The following TRMT11 variants were observed in gnomAD, a reference collection of about 807,000 sequenced individuals.
The protein encoded by TRMT11 is tRNA methyltransferase 11, also known as tRNA (guanine(10)-N(2))-methyltransferase TRMT11.
Under a neutral mutation model 62.8 loss-of-function variants are expected in TRMT11, and 53 were observed. The observed-to-expected ratio is 0.84, with a 90% CI of 0.68 to 1.06. The LOEUF is 1.06. Among genes scored for constraint, TRMT11 ranks in the 50% least tolerant of loss-of-function variants. The probability of loss-of-function intolerance (pLI) is 0.00; values close to 1 mark genes in which losing one functional copy is unlikely to be tolerated. For missense variants in TRMT11, 556 were observed against 553.4 expected (o/e 1.00, Z -0.05); for synonymous variants, 188 against 190.3 (o/e 0.99, Z 0.10).
At chr6:126,064,966 T>C (rs924760657) in intron 17 of TRMT11, among the ~76,000 whole-genome samples, 8 of 152,206 alleles carry the variant, frequency 5.3e-5, no homozygotes, top group African/African-American at 1.9e-4. Flanking sequence ...GAACAGAAAC[T>C]GCTTTTACTT....
chr6:126,079,798 G>A (rs1290056579), intron 17 of TRMT11, among the ~76,000 whole-genome samples: 8 of 152,134 alleles, frequency 5.3e-5, no homozygotes, highest in Admixed American at 5.2e-4. Flanking sequence ...GCAAAGCTCC[G>A]TGGTAAGCTA....
rs147440647 is a variant in TRMT11 at position 126,130,998 on chromosome 6, G to A, written c.*1823+15143G>A. Among the ~76,000 whole-genome samples, 1,344 of 152,138 alleles carry A rather than the reference G, an allele frequency of 8.8e-3. 19 individuals are homozygous for A. Among genetic ancestry groups the A allele is most frequent in the African/African-American group, 0.031 (1,293 of 41,508 alleles). ...GAGAATTTCTATAATTACGAAGCAC[G>A]CAGTGGGAAGTGTTATTGCTTGGAG... On this transcript the variant is annotated intron_variant and NMD_transcript_variant, in intron 21 of 22. Coordinates refer to the TRMT11 transcript ENST00000648977.
At chr6:126,160,681 T>G (rs971959544) in intron 21 of TRMT11, among the ~76,000 whole-genome samples, 1 of 152,122 alleles carries the variant, frequency 6.6e-6, no homozygotes, top group Admixed American at 6.6e-5. Context: ...CTCTTGACCC[T>G]CCTGCTTACC....
At chr6:126,144,647 A>G (rs1777954872) in intron 21 of TRMT11, among the ~76,000 whole-genome samples, 1 of 152,080 alleles carries the variant, frequency 6.6e-6, no homozygotes, top group Non-Finnish European at 1.5e-5. Flanking sequence ...TTCTTATCAG[A>G]CAGATGTCTA....
the TRMT11 span, among the ~76,000 whole-genome samples, chr6:126,222,182 T>C: frequency 6.5e-3 from 997 of 152,344 alleles, 17 homozygotes; most frequent in African/African-American, 0.023. Context: ...TCTGTTTTTG[T>C]AACATTATCA....
At chr6:126,005,081 G>T (rs1793156486) in intron 7 of TRMT11, among the ~76,000 whole-genome samples, 1 of 152,020 alleles carries the variant, frequency 6.6e-6, no homozygotes, top group Non-Finnish European at 1.5e-5. Flanking sequence ...TCTCATGTGA[G>T]TTTGGCTAAA....
chr6:126,084,726 A>G (rs947252048), intron 17 of TRMT11, among the ~76,000 whole-genome samples: 2 of 152,196 alleles, frequency 1.3e-5, no homozygotes, highest in Non-Finnish European at 2.9e-5. Context: ...ACTTTTGTAT[A>G]TGGTGTAAAA....
intron 9 of TRMT11, among the ~76,000 whole-genome samples, chr6:126,012,085 C>T (rs1177179185): frequency 6.6e-6 from 1 of 152,154 alleles, no homozygotes; most frequent in Non-Finnish European, 1.5e-5. Flanking sequence ...CCTTCTATCT[C>T]AGCTCTCTTT....
the TRMT11 span, among the ~76,000 whole-genome samples, chr6:126,236,609 T>C: frequency 0.032 from 4,887 of 152,320 alleles, 275 homozygotes; most frequent in African/African-American, 0.11. Context: ...GATAGTTGGA[T>C]ATAAAGAGTA....
At chr6:126,030,639 GT>G in intron 12 of TRMT11, among the ~76,000 whole-genome samples, 1 of 152,246 alleles carries the variant, frequency 6.6e-6, no homozygotes. Flanking sequence ...TGAAGCTGCT[GT>G]TTTGTATAAA....
the TRMT11 span, among the ~76,000 whole-genome samples, chr6:126,271,798 G>A: frequency 6.6e-6 from 1 of 152,146 alleles, no homozygotes; most frequent in Admixed American, 6.5e-5. Flanking sequence ...GAGCAGAGCT[G>A]TAGAAGGTCG....
intron 17 of TRMT11, among the ~76,000 whole-genome samples, chr6:126,093,627 A>ATTT (rs1343339966): frequency 2.1e-5 from 2 of 94,628 alleles, no homozygotes; most frequent in African/African-American, 9.5e-5. Flanking sequence ...ATATATATAT[A>ATTT]TATATTTTCC....
At chr6:126,169,546 T>G (rs1019010732) in intron 21 of TRMT11, among the ~76,000 whole-genome samples, 1 of 152,180 alleles carries the variant, frequency 6.6e-6, no homozygotes, top group Non-Finnish European at 1.5e-5. Flanking sequence ...ACTGCCTGGA[T>G]CAGTTCATAA....
chr6:126,127,510 G>T (rs1479479217), intron 21 of TRMT11, among the ~76,000 whole-genome samples: 1 of 151,368 alleles, frequency 6.6e-6, no homozygotes, highest in African/African-American at 2.4e-5. Flanking sequence ...TATACTTTAA[G>T]TTTTTTATTA....
chr6:126,188,650 A>G (rs1299887031), intron 1 of TRMT11, among the ~76,000 whole-genome samples: 3 of 152,180 alleles, frequency 2.0e-5, no homozygotes, highest in African/African-American at 7.2e-5. Context: ...ATGTATTTAT[A>G]GTTCATAATG....
intron 1 of TRMT11, among the ~76,000 whole-genome samples, chr6:126,194,070 T>A (rs1778636735): frequency 6.6e-6 from 1 of 152,186 alleles, no homozygotes; most frequent in Admixed American, 6.5e-5. Context: ...TTGTTGAGAC[T>A]TGCTTTTTGA....
chr6:126,235,358 T>C, the TRMT11 span, among the ~76,000 whole-genome samples: 1 of 152,196 alleles, frequency 6.6e-6, no homozygotes, highest in Non-Finnish European at 1.5e-5. Flanking sequence ...ACTGGGTATA[T>C]ACTCAAAGGA....
intron 11 of TRMT11, among the ~76,000 whole-genome samples, chr6:126,016,995 G>A (rs1795083104): frequency 6.6e-6 from 1 of 152,048 alleles, no homozygotes; most frequent in South Asian, 2.1e-4. Context: ...ATTCTTTACT[G>A]TTTTGAAAAT....
chr6:126,029,383 A>G (rs896842929), intron 12 of TRMT11, among the ~76,000 whole-genome samples: 1 of 152,098 alleles, frequency 6.6e-6, no homozygotes, highest in African/African-American at 2.4e-5. Flanking sequence ...GCCATTGTTG[A>G]TCATAAATAC....
Sources: gnomAD v4.1 joint callset for allele counts (sites outside exome capture counted in the v4.1 genomes callset) on GRCh38, gnomAD v4.1.1 for gene constraint, MANE v1.5 for transcripts, NCBI Gene and HGNC (gene_info 2026-07-23, HGNC 2026-07-21) for gene names.